Variants in FHIT observed in about 807,000 individuals in gnomAD.
The protein encoded by FHIT is bis(5'-adenosyl)-triphosphatase.
A neutral mutation model predicts 17.9 loss-of-function variants in FHIT; 19 were observed. The ratio of observed to expected loss-of-function variants is 1.06; its 90% CI spans 0.74 to 1.56. The LOEUF (loss-of-function observed/expected upper bound fraction) is 1.56, where lower values mean the gene tolerates loss of function less well. Ranked by LOEUF, FHIT falls within the 40% of genes most tolerant of loss-of-function variation. FHIT has a pLI of 0.00. For synonymous variants in FHIT, 81 were observed against 69.7 expected (o/e 1.16, Z -0.81); for missense variants, 248 against 189.2 (o/e 1.31, Z -1.82).
At chr3:60,877,888 C>G (rs992914489) in intron 3 of FHIT, among the ~76,000 whole-genome samples, 3 of 152,042 alleles carry the variant, frequency 2.0e-5, no homozygotes, top group Non-Finnish European at 2.9e-5. Context: ...TACCCATGCT[C>G]AGTCATTCTA....
At chr3:59,818,822 G>A (rs1700693530) in intron 8 of FHIT, among the ~76,000 whole-genome samples, 1 of 152,120 alleles carries the variant, frequency 6.6e-6, no homozygotes, top group Non-Finnish European at 1.5e-5. Flanking sequence ...TAGGAGACAG[G>A]TCTTCCCCAA....
chr3:61,196,331 A>C (rs1172962490), intron 2 of FHIT, among the ~76,000 whole-genome samples: 3 of 152,186 alleles, frequency 2.0e-5, no homozygotes, highest in Non-Finnish European at 4.4e-5. Flanking sequence ...TAAAAATAAA[A>C]TGTAAAAGGT....
intron 5 of FHIT, among the ~76,000 whole-genome samples, chr3:60,313,896 G>T (rs558940742): frequency 1.3e-5 from 2 of 152,330 alleles, no homozygotes; most frequent in African/African-American, 4.8e-5. Context: ...AGGCTCAAGT[G>T]CTGCTCTTGG....
At chr3:61,130,543 A>T (rs2036734464) in intron 2 of FHIT, among the ~76,000 whole-genome samples, 1 of 152,194 alleles carries the variant, frequency 6.6e-6, no homozygotes, top group African/African-American at 2.4e-5. Context: ...AAACTATAAG[A>T]CTGGAAAAAG....
At chr3:60,287,358 G>A (rs937836115) in intron 5 of FHIT, among the ~76,000 whole-genome samples, 12 of 151,894 alleles carry the variant, frequency 7.9e-5, no homozygotes, top group East Asian at 3.9e-4. Flanking sequence ...TAGTAGAGAC[G>A]GGCTTTCACC....
intron 4 of FHIT, among the ~76,000 whole-genome samples, chr3:60,582,754 A>G (rs2037786933): frequency 6.6e-6 from 1 of 152,112 alleles, no homozygotes; most frequent in Non-Finnish European, 1.5e-5. Flanking sequence ...CCTGGGGTGT[A>G]CAAACATAAC....
chr3:60,593,207 C>G (rs1378944541), intron 4 of FHIT, among the ~76,000 whole-genome samples: 2 of 152,022 alleles, frequency 1.3e-5, no homozygotes, highest in Admixed American at 1.3e-4. Context: ...CACTTTGTAC[C>G]CTTAACACCA....
chr3:60,448,211 A>G (rs2031478828), intron 5 of FHIT, among the ~76,000 whole-genome samples: 1 of 152,180 alleles, frequency 6.6e-6, no homozygotes, highest in Non-Finnish European at 1.5e-5. Flanking sequence ...GGGTGGGATT[A>G]CTAAGATCAA....
chr3:60,336,637 A>C (rs1710254159), intron 5 of FHIT, among the ~76,000 whole-genome samples: 1 of 152,232 alleles, frequency 6.6e-6, no homozygotes, highest in Admixed American at 6.5e-5. Flanking sequence ...ACTTTAGTTA[A>C]TAAAAATTGG....
In FHIT at chr3:60,492,661, C is replaced by T. The variant is rs561297873; in HGVS notation, c.103+44199G>A. Among the ~76,000 whole-genome samples, 125 of 152,146 alleles carry T rather than the reference C, an allele frequency of 8.2e-4. 5 individuals are homozygous for T. The South Asian group carries it at 0.024, about 29-fold the overall frequency. ...AATTGAGATTACAGGCGCCCACCAT[C>T]ATGCCTGGCTAATTTTTGTATTTTT... is the stretch of plus-strand genomic sequence containing the variant. On this transcript the variant is annotated intron_variant, in intron 5 of 9. Coordinates refer to ENST00000492590, the MANE Select transcript of FHIT (RefSeq NM_002012.4).
chr3:60,347,922 C>T (rs548206345), intron 5 of FHIT, among the ~76,000 whole-genome samples: 2 of 152,158 alleles, frequency 1.3e-5, no homozygotes, highest in South Asian at 2.1e-4. Context: ...CCATGCCCGG[C>T]TAATTTTTGC....
At chr3:60,121,547 G>T (rs1705247705) in intron 5 of FHIT, among the ~76,000 whole-genome samples, 1 of 152,052 alleles carries the variant, frequency 6.6e-6, no homozygotes, top group Non-Finnish European at 1.5e-5. Flanking sequence ...AGCCAGGCGT[G>T]GTGGTGCGTG....
Position 59,870,397 on chromosome 3 carries a change from C to T in FHIT, c.348+51949G>A, listed in dbSNP as rs941640993. 6.6e-5 allele frequency among the ~76,000 whole-genome samples: 10 copies of T among 152,270 alleles called. No homozygotes were observed. In the East Asian group the frequency reaches 1.4e-3, roughly 21 times the overall value. ...GTCTCATATTTTAATCTCTTTTTAG[C>T]CTCCTTTTGTTTTGTTTCACTCAGT... On this transcript the variant is annotated intron_variant, in intron 8 of 9. Transcript: ENST00000492590.
rs993802347 is a variant in FHIT at position 59,812,569 on chromosome 3, G to T, written c.349-60248C>A. ...GAATCCTAAATGGTTTATTACAGAG[G>T]GTCAAGTTTCTGCTTCCTGTGGGAA... On this transcript the variant is annotated intron_variant, in intron 8 of 9. Coordinates refer to ENST00000492590, the MANE Select transcript of FHIT (RefSeq NM_002012.4). Among the ~76,000 whole-genome samples the T allele has an allele frequency of 1.3e-4, 20 of 152,078 alleles. 1 individual carries two copies. Among genetic ancestry groups the T allele is most frequent in the Non-Finnish European group, 2.5e-4 (17 of 68,030 alleles).
intron 8 of FHIT, among the ~76,000 whole-genome samples, chr3:59,903,449 A>G (rs913238636): frequency 7.2e-5 from 11 of 152,236 alleles, no homozygotes; most frequent in Admixed American, 7.2e-4. Flanking sequence ...TTGTATCTAA[A>G]TAAAGCTGTT....
intron 5 of FHIT, among the ~76,000 whole-genome samples, chr3:60,156,260 G>A (rs998559878): frequency 1.3e-5 from 2 of 151,780 alleles, no homozygotes; most frequent in Non-Finnish European, 1.5e-5. Context: ...TGAGGCAGGA[G>A]AGTTGCTTGA....
At chr3:60,511,780 A>T (rs1215047018) in intron 5 of FHIT, among the ~76,000 whole-genome samples, 1 of 152,186 alleles carries the variant, frequency 6.6e-6, no homozygotes, top group African/African-American at 2.4e-5. Flanking sequence ...GAAGCAGGGA[A>T]AGTATGTTAT....
chr3:60,993,491 TGATGGTAGGCAAAAA>T (rs140512553), intron 3 of FHIT, among the ~76,000 whole-genome samples: 17,553 of 152,192 alleles, frequency 0.12, 1,089 homozygotes, highest in African/African-American at 0.15. Flanking sequence ...TGACTGTCCC[TGATGGTAGGCAAAAA>T]GTAACTTCTA....
At chr3:61,191,795 G>C (rs1414151172) in intron 2 of FHIT, among the ~76,000 whole-genome samples, 1 of 152,204 alleles carries the variant, frequency 6.6e-6, no homozygotes, top group Non-Finnish European at 1.5e-5. Context: ...CACTCCAGCT[G>C]TGAGCAGCCT....
Sources: allele counts gnomAD v4.1 joint callset (sites outside exome capture counted in the v4.1 genomes callset), GRCh38; gene constraint gnomAD v4.1.1; transcripts MANE v1.5; gene names NCBI Gene and HGNC (gene_info 2026-07-23, HGNC 2026-07-21).